Variants in POGK observed in about 807,000 individuals in gnomAD.
POGK encodes the protein pogo transposable element derived with KRAB domain.
In POGK, 16 loss-of-function variants were observed where a neutral mutation model predicts 54.4. The observed-to-expected ratio is 0.29, with a 90% CI of 0.20 to 0.45. The LOEUF (loss-of-function observed/expected upper bound fraction) is 0.45, where lower values mean the gene tolerates loss of function less well. Among genes scored for constraint, POGK ranks in the 20% least tolerant of loss-of-function variants. The pLI is 1.00. For synonymous variants in POGK, 271 were observed against 302.2 expected, an observed-to-expected ratio of 0.90 and a Z score of 1.07; for missense variants, 515 against 795.6, an observed-to-expected ratio of 0.65 and a Z score of 4.24.
chr1:166,839,787 G>C (rs772239327), intron 1 of POGK, 183 bp downstream of exon 1: 2 of 149,456 alleles, frequency 1.3e-5, no homozygotes, highest in Non-Finnish European at 3.0e-5. Context: ...GGGGCCGGGA[G>C]GGGGCCAGGT....
chr1:166,843,550 C>T (rs1295945080), intron 2 of POGK, among the ~76,000 whole-genome samples: 1 of 152,126 alleles, frequency 6.6e-6, no homozygotes, highest in African/African-American at 2.4e-5. Context: ...TCCCCATGTC[C>T]CTAGTTTAGC....
intron 2 of POGK, 145 bp downstream of exon 2, chr1:166,841,233 G>A: frequency 9.0e-7 from 1 of 1,106,662 alleles, no homozygotes; most frequent in Non-Finnish European, 1.3e-6. Context: ...CAGCTCTGTG[G>A]CTTTAAAAGG....
Position 166,847,557 on chromosome 1 carries a change from C to G in POGK, c.323C>G (p.Ser108Cys). 6.2e-7 allele frequency: 1 copy of G among 1,613,950 alleles called. No individual in the cohort carries two copies. Among genetic ancestry groups the G allele is most frequent in the Middle Eastern group, 1.7e-4 (1 of 6,058 alleles). Reference sequence around the variant, plus strand: ...GAAGGGGAGGAGGAGTCTCAGAATTCTGACGAGTGGCAGCTCCAAGGAGGC... The same window carrying G: ...GAAGGGGAGGAGGAGTCTCAGAATTGTGACGAGTGGCAGCTCCAAGGAGGC... Reference protein sequence around the residue: ...RLEGEEESQNSDEWQLQGGTS... With the variant: ...RLEGEEESQNCDEWQLQGGTS... The change falls in exon 4 of 6, where the codon TCT becomes TGT. Residue 108 changes from serine to cysteine, a missense_variant. Transcript: ENST00000367876.
At position 166,847,520 on chromosome 1, in the gene POGK, A is replaced by G; in HGVS notation, c.286A>G (p.Ile96Val). 1 of 1,613,960 alleles carries G rather than the reference A, an allele frequency of 6.2e-7. No homozygotes were observed. The highest frequency in any genetic ancestry group is 2.2e-5 in the East Asian group (1 of 44,876). ...LEFPFPKPDM[I>V]TRLEGEEESQ... ...ATTCCCATTCCCTAAGCCAGACATG[A>G]TCACCCGTTTGGAAGGGGAGGAGGA... The change falls in exon 4 of 6, where the codon ATC (isoleucine) becomes GTC (valine). Residue 96 changes from isoleucine to valine, a missense_variant. This residue lies in a region of POGK where 461 missense variants were observed against 743.5 expected (regional missense o/e 0.62). Transcript: ENST00000367876.
At position 166,850,070 on chromosome 1, in the gene POGK, G is replaced by A. The variant is rs759354586; in HGVS notation, c.1491G>A (p.Gly497=). ...SMNTDMVIIP[G]GLTSQLQVLD... ...ACACTGACATGGTGATCATCCCAGG[G>A]GGTCTGACCTCACAGCTTCAGGTGC... Residue 497 remains glycine (G), a synonymous_variant, in exon 5 of 6, where the codon GGG becomes GGA. Coordinates refer to ENST00000367876, the MANE Select transcript of POGK (RefSeq NM_017542.5). 4 of 1,613,962 alleles carry A rather than the reference G, an allele frequency of 2.5e-6. 1 individual carries two copies. In the African/African-American group the frequency reaches 5.3e-5, roughly 22 times the overall value.
chr1:166,850,699 C>T (rs1465004111), intron 5 of POGK: 3 of 333,066 alleles, frequency 9.0e-6, no homozygotes, highest in Non-Finnish European at 1.1e-5. Context: ...CATAGGAGCA[C>T]AAACCCTGTT....
At position 166,854,504 on chromosome 1, in the gene POGK, A is replaced by G. The variant is rs1455923211; in HGVS notation, c.*1934A>G. 1 of 152,250 alleles carries G rather than the reference A, an allele frequency of 6.6e-6. No homozygotes were observed. The highest frequency in any genetic ancestry group is 2.4e-5 in the African/African-American group (1 of 41,462). 9.4% of individuals were successfully genotyped at this position (152,250 alleles called of 1,614,324 possible). On this transcript the variant is annotated 3_prime_UTR_variant, in exon 6 of 6. Transcript: ENST00000367876. ...TGGTGATTTTATTTCTTTACCTATTAGCATTGTGAAAAGTTACATTCAAGG... is the reference window on the plus strand; with the variant it reads ...TGGTGATTTTATTTCTTTACCTATTGGCATTGTGAAAAGTTACATTCAAGG...
At chr1:166,844,989 G>A (rs1028478227) in intron 2 of POGK, among the ~76,000 whole-genome samples, 1 of 152,152 alleles carries the variant, frequency 6.6e-6, no homozygotes, top group African/African-American at 2.4e-5. Flanking sequence ...AGGTGTGGGG[G>A]CGTTGGGGAA....
At chr1:166,841,984 T>A in intron 2 of POGK, among the ~76,000 whole-genome samples, 1 of 151,908 alleles carries the variant, frequency 6.6e-6, no homozygotes, top group East Asian at 1.9e-4. Context: ...TTTTACCATA[T>A]GTATGCTATA....
intron 4 of POGK, 141 bp from the exon 5 acceptor site, chr1:166,848,797 G>C (rs1170457072): frequency 8.7e-7 from 1 of 1,144,962 alleles, no homozygotes; most frequent in African/African-American, 1.6e-5. Context: ...AAAGGACTTA[G>C]GCAATGTTAC....
chr1:166,847,692 T>G, intron 4 of POGK, 100 bp downstream of exon 4: 1 of 887,318 alleles, frequency 1.1e-6, no homozygotes, highest in Non-Finnish European at 1.7e-6. Flanking sequence ...GTAGAAGGAT[T>G]ATGGGTTTTG....
chr1:166,846,016 C>G (rs1657830047), intron 2 of POGK, among the ~76,000 whole-genome samples: 1 of 152,122 alleles, frequency 6.6e-6, no homozygotes, highest in Admixed American at 6.5e-5. Flanking sequence ...CAAATAGGGC[C>G]CCTTCTCTCA....
At chr1:166,850,661 C>A (rs1010342872) in intron 5 of POGK, 2 of 433,202 alleles carry the variant, frequency 4.6e-6, no homozygotes, top group South Asian at 4.2e-5. Context: ...GAGCTCCGCC[C>A]GCTGTCACAG....
chr1:166,851,070 CAT>C (rs1389316822), intron 5 of POGK: 1 of 152,182 alleles, frequency 6.6e-6, no homozygotes, highest in East Asian at 1.9e-4. Flanking sequence ...CCCAAAGAAG[CAT>C]AGTCTGACGT....
At chr1:166,844,842 T>C (rs1435705428) in intron 2 of POGK, among the ~76,000 whole-genome samples, 3 of 151,992 alleles carry the variant, frequency 2.0e-5, no homozygotes, top group Non-Finnish European at 4.4e-5. Context: ...TTCAGGGACA[T>C]GTGGGTGTGC....
chr1:166,851,733 CCAGA>C (rs1251881939), intron 5 of POGK: 2 of 152,226 alleles, frequency 1.3e-5, no homozygotes, highest in Non-Finnish European at 2.9e-5. Context: ...AATTGATCCT[CCAGA>C]CAGTGTTTTA....
chr1:166,845,684 C>G (rs556708722), intron 2 of POGK, among the ~76,000 whole-genome samples: 1 of 152,296 alleles, frequency 6.6e-6, no homozygotes, highest in Non-Finnish European at 1.5e-5. Flanking sequence ...AAATAACCAG[C>G]CTGAAACAAG....
intron 2 of POGK, among the ~76,000 whole-genome samples, chr1:166,841,452 C>T (rs369153465): frequency 6.6e-6 from 1 of 152,274 alleles, no homozygotes; most frequent in South Asian, 2.1e-4. Context: ...AAATAAGACT[C>T]GAGTCATTGG....
chr1:166,850,571 G>A (rs1317226486), intron 5 of POGK, 148 bp downstream of exon 5: 19 of 770,772 alleles, frequency 2.5e-5, no homozygotes, highest in African/African-American at 9.6e-5. Flanking sequence ...CCCAGGTCAC[G>A]GACCATACTG....
Sources: allele counts gnomAD v4.1 joint callset (sites outside exome capture counted in the v4.1 genomes callset), GRCh38; gene constraint gnomAD v4.1.1; regional missense constraint gnomAD v4.1.1; transcripts MANE v1.5; gene names NCBI Gene and HGNC (gene_info 2026-07-23, HGNC 2026-07-21).